SORBS2: variants seen among roughly 807,000 people sequenced by gnomAD.
The protein encoded by SORBS2 is sorbin and SH3 domain-containing protein 2.
In SORBS2, 46 loss-of-function variants were observed where a neutral mutation model predicts 97.7. The ratio of observed to expected loss-of-function variants is 0.47; its 90% CI spans 0.37 to 0.60. The LOEUF (loss-of-function observed/expected upper bound fraction) is 0.60, where lower values mean the gene tolerates loss of function less well. Among genes scored for constraint, SORBS2 ranks in the 20% least tolerant of loss-of-function variants. The pLI is 0.00. For missense variants in SORBS2, 1,316 were observed against 1,282.3 expected, an observed-to-expected ratio of 1.03 and a Z score of -0.40; for synonymous variants, 476 against 473.4, an observed-to-expected ratio of 1.01 and a Z score of -0.07.
intron 1 of SORBS2, among the ~76,000 whole-genome samples, chr4:185,845,984 G>C (rs2099214310): frequency 6.6e-6 from 1 of 152,214 alleles, no homozygotes; most frequent in African/African-American, 2.4e-5. Context: ...CAGACTCCTT[G>C]GAAGATCGTT....
intron 1 of SORBS2, among the ~76,000 whole-genome samples, chr4:185,931,426 G>A (rs2099266381): frequency 6.6e-6 from 1 of 152,184 alleles, no homozygotes; most frequent in African/African-American, 2.4e-5. Context: ...TTGTAGTTGG[G>A]AAGAGTGACT....
At chr4:185,874,432 T>C (rs915646322) in intron 1 of SORBS2, among the ~76,000 whole-genome samples, 3 of 152,176 alleles carry the variant, frequency 2.0e-5, no homozygotes, top group African/African-American at 7.2e-5. Context: ...GGGTCAGTCT[T>C]GTTCAGCACC....
chr4:185,664,292 T>C (rs970128856), intron 4 of SORBS2, among the ~76,000 whole-genome samples: 7 of 152,240 alleles, frequency 4.6e-5, no homozygotes, highest in Admixed American at 2.0e-4. Flanking sequence ...ATTTGCAATT[T>C]TAAACTGATA....
At chr4:185,943,902 G>A (rs1032789529) in intron 1 of SORBS2, among the ~76,000 whole-genome samples, 1 of 152,146 alleles carries the variant, frequency 6.6e-6, no homozygotes, top group African/African-American at 2.4e-5. Flanking sequence ...ATGCCCGTGA[G>A]GACCTAGCAG....
chr4:185,916,154 T>C (rs867926933), intron 1 of SORBS2, among the ~76,000 whole-genome samples: 2 of 152,094 alleles, frequency 1.3e-5, no homozygotes, highest in Non-Finnish European at 2.9e-5. Context: ...GTATGAGTCA[T>C]GGACCGGAGG....
intron 2 of SORBS2, among the ~76,000 whole-genome samples, chr4:185,748,404 C>T (rs886183020): frequency 6.6e-6 from 1 of 152,170 alleles, no homozygotes; most frequent in African/African-American, 2.4e-5. Flanking sequence ...GTCTAGTCTC[C>T]ATCAATCTTA....
At chr4:185,928,475 C>G (rs2099264801) in intron 1 of SORBS2, among the ~76,000 whole-genome samples, 1 of 152,194 alleles carries the variant, frequency 6.6e-6, no homozygotes, top group African/African-American at 2.4e-5. Flanking sequence ...ACTTTATAGA[C>G]AGGTCTTGAG....
chr4:185,806,603 G>A (rs978676789), intron 1 of SORBS2, among the ~76,000 whole-genome samples: 10 of 150,644 alleles, frequency 6.6e-5, no homozygotes, highest in South Asian at 2.1e-4. Context: ...GACTACAGGC[G>A]CCCGCCACTA....
At chr4:185,728,963 C>T (rs919319579) in intron 2 of SORBS2, among the ~76,000 whole-genome samples, 2 of 152,248 alleles carry the variant, frequency 1.3e-5, no homozygotes, top group Non-Finnish European at 2.9e-5. Context: ...TGAATGAAGT[C>T]AGCCCTTCCA....
At chr4:185,677,678 A>G in intron 4 of SORBS2, 1 of 1,432,530 alleles carries the variant, frequency 7.0e-7, no homozygotes. Context: ...AATAAAGTTG[A>G]AAGAAAAACA....
intron 1 of SORBS2, among the ~76,000 whole-genome samples, chr4:185,802,818 C>T (rs1358432745): frequency 1.3e-5 from 2 of 152,150 alleles, no homozygotes; most frequent in Non-Finnish European, 2.9e-5. Flanking sequence ...CAAGAGAATG[C>T]ACTGACAAAT....
chr4:185,708,020 G>T (rs2098371316), intron 2 of SORBS2, among the ~76,000 whole-genome samples: 1 of 152,120 alleles, frequency 6.6e-6, no homozygotes, highest in South Asian at 2.1e-4. Context: ...CCCACCATAG[G>T]ATGGTCAGGC....
At chr4:185,657,584 G>A, upstream of SORBS2, 2 of 1,589,580 alleles carry the variant, frequency 1.3e-6, no homozygotes, top group Non-Finnish European at 1.7e-6. Context: ...CTGGGGATAT[G>A]TGTCTGTGGA....
chr4:185,690,793 T>G (rs1301961697), intron 2 of SORBS2, among the ~76,000 whole-genome samples, 182 bp from the exon 4 acceptor site: 1 of 152,232 alleles, frequency 6.6e-6, no homozygotes, highest in East Asian at 1.9e-4. Context: ...AAACTTTAAT[T>G]ATTGGTCCCA....
chr4:185,944,793 G>A (rs72709792), intron 1 of SORBS2, among the ~76,000 whole-genome samples: 17,192 of 152,102 alleles, frequency 0.11, 1,300 homozygotes, highest in Middle Eastern at 0.24. Flanking sequence ...TCCATATTAC[G>A]GTGTGTCCCA....
chr4:185,754,861 C>A (rs565975352), intron 2 of SORBS2, among the ~76,000 whole-genome samples: 3 of 152,228 alleles, frequency 2.0e-5, no homozygotes, highest in South Asian at 2.1e-4. Context: ...ATGAGGCAGA[C>A]CTGGAAGGGC....
At chr4:185,879,184 G>A (rs1477196254) in intron 1 of SORBS2, among the ~76,000 whole-genome samples, 8 of 45,770 alleles carry the variant, frequency 1.7e-4, no homozygotes, top group African/African-American at 4.4e-4. Context: ...CCCACCCCAC[G>A]ACAGGCCCCG....
intron 1 of SORBS2, among the ~76,000 whole-genome samples, chr4:185,911,935 G>A (rs1039451454): frequency 3.9e-5 from 6 of 152,202 alleles, no homozygotes; most frequent in African/African-American, 1.4e-4. Context: ...GCACAGATAA[G>A]AAATGCCACA....
intron 1 of SORBS2, among the ~76,000 whole-genome samples, chr4:185,951,748 T>A (rs1473655711): frequency 1.3e-5 from 2 of 152,224 alleles, no homozygotes; most frequent in African/African-American, 4.8e-5. Flanking sequence ...TTGAGACTAT[T>A]AATTTGGCCA....
Sources: gnomAD v4.1 joint callset for allele counts (sites outside exome capture counted in the v4.1 genomes callset) on GRCh38, gnomAD v4.1.1 for gene constraint, MANE v1.5 for transcripts, NCBI Gene and HGNC (gene_info 2026-07-23, HGNC 2026-07-21) for gene names.